The following TNIK variants were observed in gnomAD, a reference collection of about 807,000 sequenced individuals.
The protein encoded by TNIK is TRAF2 and NCK interacting kinase, also known as TRAF2 and NCK-interacting protein kinase.
Under a neutral mutation model 191.3 loss-of-function variants are expected in TNIK, and 49 were observed. The observed-to-expected ratio is 0.26, with a 90% CI of 0.20 to 0.32. TNIK has a LOEUF of 0.32. Ranked by LOEUF, TNIK falls within the 10% of genes least tolerant of loss-of-function variation. The pLI is 1.00. For synonymous variants in TNIK, 594 were observed against 600.9 expected, an observed-to-expected ratio of 0.99 and a Z score of 0.17; for missense variants, 1,155 against 1,702.3, an observed-to-expected ratio of 0.68 and a Z score of 5.66.
rs749530885 is a variant in TNIK at position 171,416,292 on chromosome 3, C to T, written c.57+43715G>A. 2.9e-4 allele frequency among the ~76,000 whole-genome samples: 44 copies of T among 152,120 alleles called. 1 individual carries two copies. The highest frequency in any genetic ancestry group is 2.1e-4 in the South Asian group (1 of 4,802). On this transcript the variant is annotated intron_variant, in intron 1 of 32. Coordinates refer to ENST00000436636, the MANE Select transcript of TNIK (RefSeq NM_015028.4). The stretch of plus-strand genomic sequence containing the variant: ...ACAATTAGAGCTACTCATCATCAGC[C>T]ATGAAATGTTCTTGCTAAAAATATG...
At chr3:171,343,351 A>G (rs562036241) in intron 2 of TNIK, among the ~76,000 whole-genome samples, 1 of 152,354 alleles carries the variant, frequency 6.6e-6, no homozygotes, top group South Asian at 2.1e-4. Flanking sequence ...AGACTAAACT[A>G]GAGAAATCTC....
intron 1 of TNIK, among the ~76,000 whole-genome samples, chr3:171,428,728 G>C (rs1724971554): frequency 8.5e-6 from 1 of 117,996 alleles, no homozygotes; most frequent in African/African-American, 2.6e-5. Context: ...TGCAGCATTT[G>C]GCACTGCCCA....
rs1209260235 is a variant in TNIK, at chr3:171,063,953, T to C, written c.4011A>G (p.Ala1337=). The C allele has an allele frequency of 2.5e-6, 4 of 1,613,464 alleles. No individual in the cohort carries two copies. The highest frequency in any genetic ancestry group is 1.3e-5 in the African/African-American group (1 of 74,976). ...GGCTACTTCCTCCAGATCGCACGGA[T>C]GCAAAAAATACCTGTTTGAAATTAA... ...LCERNDKVFF[A]SVRSGGSSQV... Residue 1337 remains alanine, a synonymous_variant, in exon 33 of 33, where the codon GCA becomes GCG. Coordinates refer to ENST00000436636, the MANE Select transcript of TNIK (RefSeq NM_015028.4).
intron 2 of TNIK, among the ~76,000 whole-genome samples, chr3:171,307,034 C>A (rs1753525618): frequency 6.6e-6 from 1 of 152,102 alleles, no homozygotes; most frequent in Non-Finnish European, 1.5e-5. Flanking sequence ...AAGATTTAGA[C>A]CGAGAAATTC....
intron 18 of TNIK, among the ~76,000 whole-genome samples, chr3:171,117,798 G>A (rs750016450): frequency 5.3e-5 from 8 of 152,174 alleles, no homozygotes; most frequent in South Asian, 4.2e-4. Context: ...GTGAAACCCC[G>A]TCTCTACTAA....
intron 1 of TNIK, among the ~76,000 whole-genome samples, chr3:171,396,331 C>T (rs936688171): frequency 5.3e-5 from 8 of 152,174 alleles, no homozygotes; most frequent in African/African-American, 1.9e-4. Context: ...TTTGGAGACA[C>T]CAAACTTTAT....
At chr3:171,205,770 G>A (rs960594289) in intron 4 of TNIK, among the ~76,000 whole-genome samples, 7 of 152,096 alleles carry the variant, frequency 4.6e-5, no homozygotes, top group Admixed American at 3.3e-4. Flanking sequence ...AGTAAAAGCC[G>A]AGGTCTTTCC....
chr3:171,357,853 C>T (rs573907393), intron 2 of TNIK, among the ~76,000 whole-genome samples: 1 of 152,262 alleles, frequency 6.6e-6, no homozygotes, highest in African/African-American at 2.4e-5. Context: ...AATGTGCTAC[C>T]ATAGATGGAC....
Position 171,058,776 on chromosome 3 carries a change from ATC to A in TNIK, c.*5103_*5104del, listed in dbSNP as rs1717576325. On this transcript the variant is annotated 3_prime_UTR_variant, in exon 33 of 33. Transcript: ENST00000436636. ...TCCCTTCTGATATTATACATTTGGC[ATC>A]TCTCTACAGTTATATTAACATAAAT... Among the ~76,000 whole-genome samples the A allele has an allele frequency of 6.6e-6, 1 of 152,224 alleles. No homozygotes were observed. Among genetic ancestry groups the A allele is most frequent in the Non-Finnish European group, 1.5e-5 (1 of 68,022 alleles).
rs1168577377 is a variant in TNIK, at chr3:171,084,290, C to T, written c.3034G>A (p.Ala1012Thr). 2 of 1,613,620 alleles carry T rather than the reference C, an allele frequency of 1.2e-6. No homozygotes were observed. The highest frequency in any genetic ancestry group is 1.3e-5 in the African/African-American group (1 of 74,984). The change falls in exon 26 of 33, where the codon GCC becomes ACC. Residue 1012 changes from alanine to threonine, a missense_variant. Ala to Thr is a moderately conservative substitution (Grantham distance 58). Transcript: ENST00000436636. ...FTSELLRQEQ[A>T]KLNEARKISV... ...ATCTTTCTTGCTTCATTGAGTTTGG[C>T]CTGTTCTTGCCTAAGAAGTTCGCTA...
chr3:171,126,997 G>C (rs1466998070), intron 16 of TNIK, among the ~76,000 whole-genome samples: 1 of 152,212 alleles, frequency 6.6e-6, no homozygotes, highest in Admixed American at 6.5e-5. Flanking sequence ...TTATCTAAGC[G>C]TGTCTCCTAT....
chr3:171,372,070 T>C (rs1050071887), intron 1 of TNIK, among the ~76,000 whole-genome samples: 1 of 152,102 alleles, frequency 6.6e-6, no homozygotes, highest in African/African-American at 2.4e-5. Flanking sequence ...AGCTTCTACA[T>C]CCAAAGGTCA....
chr3:171,459,259 G>A (rs1249691393), intron 1 of TNIK, among the ~76,000 whole-genome samples: 1 of 150,310 alleles, frequency 6.7e-6, no homozygotes, highest in Non-Finnish European at 1.5e-5. Context: ...CACACTCCAG[G>A]GAGTTCCGGT....
chr3:171,077,986 T>C (rs547620629), intron 28 of TNIK, among the ~76,000 whole-genome samples: 8 of 152,172 alleles, frequency 5.3e-5, no homozygotes, highest in Non-Finnish European at 1.2e-4. Context: ...CTTGCTGTAT[T>C]GTCTTTTAAG....
chr3:171,307,560 T>A (rs1363208327), intron 2 of TNIK, among the ~76,000 whole-genome samples: 1 of 152,226 alleles, frequency 6.6e-6, no homozygotes, highest in Non-Finnish European at 1.5e-5. Context: ...TTCTTACTTT[T>A]TTACCACTAG....
Position 171,194,687 on chromosome 3 carries a change from A to C in TNIK, c.307-52T>G, listed in dbSNP as rs1436471776. ...ATTTTAATGATGCTTCACTGCTTCCATTAAGTTGGGGTAAGAAAGCACAAG... is the reference window on the plus strand; with the variant it reads ...ATTTTAATGATGCTTCACTGCTTCCCTTAAGTTGGGGTAAGAAAGCACAAG... On this transcript the variant is annotated intron_variant, in intron 4 of 32. Coordinates refer to ENST00000436636, the MANE Select transcript of TNIK (RefSeq NM_015028.4). The C allele has an allele frequency of 6.5e-6, 10 of 1,542,862 alleles. No individual in the cohort carries two copies. In the African/African-American group the frequency reaches 6.8e-5, roughly 11 times the overall value.
At chr3:171,217,187 G>A (rs1741552865) in intron 3 of TNIK, among the ~76,000 whole-genome samples, 1 of 152,078 alleles carries the variant, frequency 6.6e-6, no homozygotes, top group South Asian at 2.1e-4. Flanking sequence ...AGAAAATATG[G>A]TATGCATACA....
intron 2 of TNIK, among the ~76,000 whole-genome samples, chr3:171,244,356 C>T (rs1439451950): frequency 2.6e-5 from 4 of 152,128 alleles, no homozygotes; most frequent in African/African-American, 7.2e-5. Context: ...TGAGCCACTG[C>T]GCCCGGCCAG....
At chr3:171,414,186 C>T (rs1015665233) in intron 1 of TNIK, among the ~76,000 whole-genome samples, 1 of 152,188 alleles carries the variant, frequency 6.6e-6, no homozygotes. Context: ...AAGCCAGCAT[C>T]GAAACTCAAG....
Sources: gnomAD v4.1 joint callset for allele counts (sites outside exome capture counted in the v4.1 genomes callset) on GRCh38, gnomAD v4.1.1 for gene constraint, MANE v1.5 for transcripts, NCBI Gene and HGNC (gene_info 2026-07-23, HGNC 2026-07-21) for gene names.